The following LIPM variants were observed in gnomAD, a reference collection of about 807,000 sequenced individuals.
The protein encoded by LIPM is lipase family member M.
Under a neutral mutation model 42.4 loss-of-function variants are expected in LIPM, and 42 were observed. The ratio of observed to expected loss-of-function variants is 0.99; its 90% CI spans 0.77 to 1.28. LIPM has a LOEUF of 1.28. Among genes scored for constraint, LIPM ranks in the 50% most tolerant of loss-of-function variants. The probability of loss-of-function intolerance (pLI) is 0.00; values close to 1 mark genes in which losing one functional copy is unlikely to be tolerated. For synonymous variants in LIPM, 177 were observed against 173.3 expected (o/e 1.02, Z -0.17); for missense variants, 524 against 520.1 (o/e 1.01, Z -0.07).
chr10:88,810,749 T>C (rs1843644863), intron 2 of LIPM, among the ~76,000 whole-genome samples: 1 of 152,138 alleles, frequency 6.6e-6, no homozygotes, highest in Non-Finnish European at 1.5e-5. Flanking sequence ...ATAGAAGACC[T>C]AGGGGATGTT....
intron 2 of LIPM, among the ~76,000 whole-genome samples, chr10:88,809,503 CTGA>C (rs1304064765): frequency 2.6e-5 from 4 of 152,162 alleles, no homozygotes; most frequent in Admixed American, 2.6e-4. Flanking sequence ...GCCAGATACA[CTGA>C]TAAGTGCTTT....
chr10:88,802,839 T>A lies in LIPM; in HGVS notation c.-58T>A, dbSNP rs950373702. 439 of 1,482,004 alleles carry A rather than the reference T, an allele frequency of 3.0e-4. No individual in the cohort carries two copies. The highest frequency in any genetic ancestry group is 3.8e-4 in the Non-Finnish European group (425 of 1,109,500). The allele number at this position is 1,482,004 out of a possible 1,614,324, so 91.8% of individuals were successfully genotyped here. A position where few individuals can be genotyped will look rare whatever the true frequency, so the allele number is the denominator to read the frequency against. ...AAGAGTTTTTAAACCCACAAATTCT[T>A]CTTACTTTAGAATTAGTTGTTACAT... On this transcript the variant is annotated 5_prime_UTR_variant, in exon 1 of 9. Transcript: ENST00000404743.
intron 8 of LIPM, among the ~76,000 whole-genome samples, 159 bp from the exon 9 acceptor site, chr10:88,820,073 A>C (rs1424065863): frequency 6.6e-6 from 1 of 152,234 alleles, no homozygotes; most frequent in Non-Finnish European, 1.5e-5. Context: ...CCTTAAAGTA[A>C]GGGCGGGAAC....
Position 88,820,484 on chromosome 10 carries a change from T to A in LIPM, c.1255T>A (p.Cys419Ser). ...GGAGACCAACCTTTCCCAGGGACGGTGTGAGGCCGTATTGTGAAGCATCTG... is the reference window on the plus strand; with the variant it reads ...GGAGACCAACCTTTCCCAGGGACGGAGTGAGGCCGTATTGTGAAGCATCTG... ...QEETNLSQGR[C>S]EAVL is the part of the protein sequence containing the mutation. Residue 419 changes from cysteine to serine, a missense_variant, in exon 9 of 9, where the codon TGT (cysteine) becomes AGT (serine). Transcript: ENST00000404743. The A allele has an allele frequency of 1.3e-6, 2 of 1,550,980 alleles. No individual in the cohort carries two copies. Among genetic ancestry groups the A allele is most frequent in the East Asian group, 4.9e-5 (2 of 40,918 alleles).
At chr10:88,807,323 G>A (rs1236574502) in intron 1 of LIPM, among the ~76,000 whole-genome samples, 1 of 152,116 alleles carries the variant, frequency 6.6e-6, no homozygotes. Flanking sequence ...TCAAACAGTG[G>A]GACCCAGGAG....
intron 6 of LIPM, 98 bp downstream of exon 6, chr10:88,815,601 A>T: frequency 9.5e-7 from 1 of 1,052,228 alleles, no homozygotes; most frequent in South Asian, 1.6e-5. Flanking sequence ...GAAGACTCAG[A>T]GTAATGATAT....
At chr10:88,805,924 A>T (rs1284318690) in intron 1 of LIPM, 1 of 456,178 alleles carries the variant, frequency 2.2e-6, no homozygotes, top group Non-Finnish European at 4.4e-6. Context: ...ACTCAACTCC[A>T]TGAGGAGCTA....
chr10:88,814,833 C>G (rs1052797901), intron 4 of LIPM, among the ~76,000 whole-genome samples, 194 bp downstream of exon 4: 2 of 152,130 alleles, frequency 1.3e-5, no homozygotes, highest in Non-Finnish European at 2.9e-5. Flanking sequence ...CTATATGTGT[C>G]TAGATATAGC....
chr10:88,815,588 A>G, intron 6 of LIPM, 85 bp downstream of exon 6: 1 of 1,170,962 alleles, frequency 8.5e-7, no homozygotes. Flanking sequence ...AGCTAATGCC[A>G]GTGAAGACTC....
At position 88,816,837 on chromosome 10, in the gene LIPM, G is replaced by T; in HGVS notation, c.880G>T (p.Ala294Ser). 1.9e-6 allele frequency: 3 copies of T among 1,551,360 alleles called. No individual in the cohort carries two copies. Among genetic ancestry groups the T allele is most frequent in the Non-Finnish European group, 1.7e-6 (2 of 1,146,750 alleles). ...ACAGAGCCGAGCAAGTGTATATGCT[G>T]CCCACACTCTTGCTGGAACATCTGT... ...MNMSRASVYAAHTLAGTSVQN... is the reference protein window; with the variant it reads ...MNMSRASVYASHTLAGTSVQN... Residue 294 changes from alanine (A) to serine (S), a missense_variant, in exon 7 of 9, where the codon GCC becomes TCC. Transcript: ENST00000404743.
At chr10:88,810,507 T>C (rs1239500815) in intron 2 of LIPM, among the ~76,000 whole-genome samples, 2 of 118,124 alleles carry the variant, frequency 1.7e-5, no homozygotes, top group Non-Finnish European at 3.5e-5. Flanking sequence ...CAATCTCCCA[T>C]ATCAAAAAAA....
chr10:88,819,438 A>G (rs965011390), intron 8 of LIPM, among the ~76,000 whole-genome samples: 1 of 152,206 alleles, frequency 6.6e-6, no homozygotes, highest in African/African-American at 2.4e-5. Flanking sequence ...GCCATAACTG[A>G]GCCACAAAGA....
At chr10:88,804,906 A>T (rs190602540) in intron 1 of LIPM, among the ~76,000 whole-genome samples, 46 of 152,298 alleles carry the variant, frequency 3.0e-4, no homozygotes, top group African/African-American at 1.1e-3. Flanking sequence ...TCAGTAAAAG[A>T]TTACTGTCTA....
chr10:88,818,063 T>C (rs1259127843), intron 8 of LIPM, among the ~76,000 whole-genome samples, 167 bp downstream of exon 8: 1 of 152,206 alleles, frequency 6.6e-6, no homozygotes, highest in South Asian at 2.1e-4. Context: ...TCACAGCTGA[T>C]CCAAGAAACC....
intron 6 of LIPM, among the ~76,000 whole-genome samples, chr10:88,815,742 G>A (rs912854594): frequency 6.6e-6 from 1 of 152,218 alleles, no homozygotes; most frequent in Non-Finnish European, 1.5e-5. Flanking sequence ...AGGTCTGAAA[G>A]CAGCTTTACT....
At position 88,813,254 on chromosome 10, in the gene LIPM, C is replaced by T. The variant is rs767870009; in HGVS notation, c.423C>T (p.His141=). The change falls in exon 3 of 9, where the codon CAC becomes CAT. Residue 141 remains histidine (H), a synonymous_variant. Transcript: ENST00000404743. Reference sequence around the variant, plus strand: ...GGGGAAACGCCTGGTCTCGAAAACACAAGACACTCTCCATAGACCAAGATG... The same window carrying T: ...GGGGAAACGCCTGGTCTCGAAAACATAAGACACTCTCCATAGACCAAGATG... ...NSRGNAWSRK[H]KTLSIDQDEF... is the part of the protein sequence containing the mutation. 3 of 1,611,928 alleles carry T rather than the reference C, an allele frequency of 1.9e-6. No individual in the cohort carries two copies. In the African/African-American group the frequency reaches 4.0e-5, roughly 22 times the overall value.
chr10:88,803,048 G>C lies in LIPM; in HGVS notation c.147+5G>C. The C allele has an allele frequency of 6.5e-7, 1 of 1,549,798 alleles. No individual in the cohort carries two copies. Among genetic ancestry groups the C allele is most frequent in the Non-Finnish European group, 8.7e-7 (1 of 1,146,216 alleles). ...CCAGAAGCATTCATGAATATTGTAA[G>C]TTGGGATTTCTGGGAAATGAGGTAC... On this transcript the variant is annotated splice_donor_5th_base_variant and intron_variant, in intron 1 of 8. Transcript: ENST00000404743.
rs1363249941 is a variant in LIPM, at chr10:88,815,353, A to G, written c.712-4A>G. On this transcript the variant is annotated splice_polypyrimidine_tract_variant and splice_region_variant and intron_variant, in intron 5 of 8. Transcript: ENST00000404743. ...CATGTCTATGTCACTTCATATTTTC[A>G]CAGGGATTGTTTGGCAAAAAAGAAT... 1.3e-6 allele frequency: 2 copies of G among 1,551,490 alleles called. No individual in the cohort carries two copies. Among genetic ancestry groups the G allele is most frequent in the Non-Finnish European group, 1.7e-6 (2 of 1,146,874 alleles).
chr10:88,815,872 T>G (rs1029186495), intron 6 of LIPM, among the ~76,000 whole-genome samples: 1 of 152,210 alleles, frequency 6.6e-6, no homozygotes, highest in African/African-American at 2.4e-5. Context: ...AGTTCTTTGA[T>G]GGAACATCAG....
Sources: gnomAD v4.1 joint callset for allele counts (sites outside exome capture counted in the v4.1 genomes callset) on GRCh38, gnomAD v4.1.1 for gene constraint, MANE v1.5 for transcripts, NCBI Gene and HGNC (gene_info 2026-07-23, HGNC 2026-07-21) for gene names.